The following ULK4 variants were observed in gnomAD, a reference collection of about 807,000 sequenced individuals.
ULK4 encodes unc-51 like kinase 4.
ULK4 carries 133 observed loss-of-function variants against 160.6 expected under a neutral mutation model. The observed-to-expected ratio is 0.83, with a 90% confidence interval of 0.72 to 0.96. The LOEUF is 0.96. Ranked by LOEUF, ULK4 falls within the 40% of genes least tolerant of loss-of-function variation. The probability of loss-of-function intolerance (pLI) is 0.00; values close to 1 mark genes in which losing one functional copy is unlikely to be tolerated. For missense variants in ULK4, 1,580 were observed against 1,499.5 expected (o/e 1.05, Z -0.89); for synonymous variants, 534 against 539.8 (o/e 0.99, Z 0.15).
At chr3:41,903,963 C>G (rs1698462052) in intron 12 of ULK4, among the ~76,000 whole-genome samples, 1 of 147,040 alleles carries the variant, frequency 6.8e-6, no homozygotes, top group African/African-American at 2.5e-5. Flanking sequence ...AATTGTGCCA[C>G]TGCACTCCAG....
At chr3:41,446,133 C>G (rs2083292068) in intron 34 of ULK4, among the ~76,000 whole-genome samples, 1 of 152,156 alleles carries the variant, frequency 6.6e-6, no homozygotes, top group African/African-American at 2.4e-5. Context: ...AAATGCTCAT[C>G]ATCACTGGCC....
chr3:41,564,181 T>C lies in ULK4; in HGVS notation c.3226+1844A>G, dbSNP rs551695925. 2.6e-5 allele frequency among the ~76,000 whole-genome samples: 4 copies of C among 152,298 alleles called. No homozygotes were observed. In the East Asian group the frequency reaches 7.8e-4, roughly 30 times the overall value. On this transcript the variant is annotated intron_variant, in intron 32 of 36. Transcript: ENST00000301831. ...ACTCCAGACCCTGTTTGCCTGGGTATCACCAGCGGAGGCTGCAGAACAGCA... is the reference window on the plus strand; with the variant it reads ...ACTCCAGACCCTGTTTGCCTGGGTACCACCAGCGGAGGCTGCAGAACAGCA...
intron 30 of ULK4, among the ~76,000 whole-genome samples, chr3:41,646,537 T>C (rs2034500794): frequency 6.6e-6 from 1 of 152,258 alleles, no homozygotes; most frequent in Non-Finnish European, 1.5e-5. Flanking sequence ...CTCTTCTGGC[T>C]TGTACAGTTT....
intron 32 of ULK4, among the ~76,000 whole-genome samples, chr3:41,510,633 C>A (rs1254558642): frequency 6.6e-6 from 1 of 152,168 alleles, no homozygotes; most frequent in African/African-American, 2.4e-5. Flanking sequence ...ATCTAGCACT[C>A]TCTCAGAACA....
intron 31 of ULK4, among the ~76,000 whole-genome samples, chr3:41,601,747 C>T (rs2032077030): frequency 6.6e-6 from 1 of 152,110 alleles, no homozygotes; most frequent in South Asian, 2.1e-4. Flanking sequence ...TTCTTCATAA[C>T]ACCAGTGCAA....
chr3:41,782,607 A>G (rs2125584745), intron 21 of ULK4, among the ~76,000 whole-genome samples: 1 of 152,316 alleles, frequency 6.6e-6, no homozygotes, highest in South Asian at 2.1e-4. Context: ...AAATCAAAGT[A>G]TTTTTGGCAT....
At chr3:41,936,090 T>G in intron 3 of ULK4, 150 bp from the exon 4 acceptor site, 1 of 1,001,176 alleles carries the variant, frequency 1.0e-6, no homozygotes, top group Non-Finnish European at 1.4e-6. Context: ...TGTGAGTAAA[T>G]ACAGTGGCCC....
At chr3:41,643,799 C>T (rs1323010329) in intron 30 of ULK4, among the ~76,000 whole-genome samples, 1 of 152,134 alleles carries the variant, frequency 6.6e-6, no homozygotes, top group Non-Finnish European at 1.5e-5. Flanking sequence ...GCCATTTTCA[C>T]AATATTGATA....
intron 31 of ULK4, among the ~76,000 whole-genome samples, chr3:41,586,142 T>G (rs1032720120): frequency 9.9e-5 from 15 of 152,266 alleles, no homozygotes; most frequent in African/African-American, 3.6e-4. Flanking sequence ...CAATCACACT[T>G]CTGGGTATAT....
intron 34 of ULK4, among the ~76,000 whole-genome samples, chr3:41,409,955 AAAAAAG>A (rs1280713150): frequency 2.6e-5 from 4 of 152,148 alleles, no homozygotes; most frequent in African/African-American, 9.7e-5. Flanking sequence ...TCTCAAAAAA[AAAAAAG>A]AAAAGAAAAT....
intron 22 of ULK4, among the ~76,000 whole-genome samples, chr3:41,729,205 T>C (rs985824107): frequency 2.6e-5 from 4 of 152,240 alleles, no homozygotes; most frequent in Non-Finnish European, 5.9e-5. Flanking sequence ...GTCTCCCCAA[T>C]TGGGATCAAC....
At chr3:41,490,535 T>C (rs1203011775) in intron 32 of ULK4, among the ~76,000 whole-genome samples, 1 of 152,230 alleles carries the variant, frequency 6.6e-6, no homozygotes, top group Non-Finnish European at 1.5e-5. Flanking sequence ...CTTTCAGTGC[T>C]TCTGTTCATA....
chr3:41,337,185 T>C (rs2080578303), intron 35 of ULK4, among the ~76,000 whole-genome samples: 1 of 152,206 alleles, frequency 6.6e-6, no homozygotes, highest in Admixed American at 6.5e-5. Context: ...GATGATTGCA[T>C]TTTATATTGA....
At chr3:41,483,376 T>C (rs1341654424) in intron 32 of ULK4, among the ~76,000 whole-genome samples, 2 of 152,142 alleles carry the variant, frequency 1.3e-5, no homozygotes, top group Admixed American at 6.5e-5. Context: ...CTTCCTACCA[T>C]GGAATATGAA....
chr3:41,283,172 A>T (rs1258644375), intron 35 of ULK4, among the ~76,000 whole-genome samples: 1 of 152,250 alleles, frequency 6.6e-6, no homozygotes, highest in Non-Finnish European at 1.5e-5. Context: ...GGATGTGGAG[A>T]AATACGAATG....
chr3:41,795,488 C>T (rs1368653449), intron 20 of ULK4, among the ~76,000 whole-genome samples: 37 of 152,048 alleles, frequency 2.4e-4, no homozygotes, highest in Admixed American at 2.4e-3. Context: ...ATCAACAGGC[C>T]TGGTATCAAA....
At chr3:41,594,905 G>A (rs2031589081) in intron 31 of ULK4, among the ~76,000 whole-genome samples, 3 of 151,990 alleles carry the variant, frequency 2.0e-5, no homozygotes, top group Non-Finnish European at 4.4e-5. Context: ...GAGACAAATC[G>A]AGCTATGTTT....
chr3:41,416,080 G>A (rs1032225010), intron 34 of ULK4, among the ~76,000 whole-genome samples: 1 of 152,164 alleles, frequency 6.6e-6, no homozygotes, highest in Admixed American at 6.5e-5. Flanking sequence ...CATTTCTATA[G>A]AAATGACCAC....
intron 34 of ULK4, among the ~76,000 whole-genome samples, chr3:41,423,496 T>C (rs2082705770): frequency 6.6e-6 from 1 of 152,124 alleles, no homozygotes; most frequent in Non-Finnish European, 1.5e-5. Flanking sequence ...TAGAGCATCG[T>C]GGTTTCCTAT....
Sources: gnomAD v4.1 joint callset for allele counts (sites outside exome capture counted in the v4.1 genomes callset) on GRCh38, gnomAD v4.1.1 for gene constraint, MANE v1.5 for transcripts, NCBI Gene and HGNC (gene_info 2026-07-23, HGNC 2026-07-21) for gene names.